The following AATF variants were observed in gnomAD, a reference collection of about 807,000 sequenced individuals.
AATF encodes the protein apoptosis antagonizing transcription factor.
Under a neutral mutation model 63.7 loss-of-function variants are expected in AATF, and 48 were observed. That is an observed-to-expected ratio of 0.75 (90% confidence interval 0.60 to 0.96). AATF has a LOEUF of 0.96. Ranked by LOEUF, AATF falls within the 40% of genes least tolerant of loss-of-function variation. The pLI, the probability that AATF is intolerant of heterozygous loss-of-function variation, is 0.00. For missense variants in AATF, 639 were observed against 685.7 expected, an observed-to-expected ratio of 0.93 and a Z score of 0.76; for synonymous variants, 258 against 247.7, an observed-to-expected ratio of 1.04 and a Z score of -0.39.
rs915413627 is a variant in AATF at position 36,953,440 on chromosome 17, G to A, written c.694+144G>A. 15 of 1,405,066 alleles carry A rather than the reference G, an allele frequency of 1.1e-5. No homozygotes were observed. In the African/African-American group the frequency reaches 1.5e-4, roughly 14 times the overall value. The allele number at this position is 1,405,066 out of a possible 1,614,324, so 87.0% of individuals were successfully genotyped here. A position where few individuals can be genotyped will look rare whatever the true frequency, so the allele number is the denominator to read the frequency against. ...TGCCCCACTTACCCAGAAGCCTAAA[G>A]CCCTATTCCTGTATGCTTAGCCAGC... On this transcript the variant is annotated intron_variant, in intron 3 of 11. Transcript: ENST00000619387.
chr17:36,978,368 T>C (rs1342326358), intron 4 of AATF, among the ~76,000 whole-genome samples: 1 of 152,154 alleles, frequency 6.6e-6, no homozygotes, highest in African/African-American at 2.4e-5. Flanking sequence ...AGAATTAGCC[T>C]ATCAAGTTGT....
At chr17:36,981,535 C>T (rs2071123661) in intron 4 of AATF, among the ~76,000 whole-genome samples, 1 of 151,880 alleles carries the variant, frequency 6.6e-6, no homozygotes, top group Non-Finnish European at 1.5e-5. Context: ...CCTCGAACTC[C>T]TGGGCTCAAG....
chr17:36,988,763 G>A (rs2071189922), intron 6 of AATF, 43 bp downstream of exon 6: 1 of 1,579,434 alleles, frequency 6.3e-7, no homozygotes, highest in African/African-American at 1.4e-5. Context: ...GATAGGTTGT[G>A]GCAACTTGAA....
intron 8 of AATF, among the ~76,000 whole-genome samples, chr17:36,997,708 G>A (rs544822922): frequency 6.6e-6 from 1 of 152,272 alleles, no homozygotes; most frequent in South Asian, 2.1e-4. Flanking sequence ...ATTTGATCCA[G>A]CAATCTCACT....
Position 36,986,663 on chromosome 17 carries a change from G to A in AATF, c.879G>A (p.Gln293=). ...KALLRSLVGL[Q]EELLFQYPDT... is the part of the protein sequence containing the mutation. The stretch of plus-strand genomic sequence containing the variant: ...TGTTGAGGTCATTGGTAGGTCTTCA[G>A]GAAGAGTTGCTTTTCCAGTACCCAG... Residue 293 remains glutamine (Q), a synonymous_variant, in exon 5 of 12, where the codon CAG becomes CAA. Transcript: ENST00000619387. 3 of 1,614,144 alleles carry A rather than the reference G, an allele frequency of 1.9e-6. No individual in the cohort carries two copies. Among genetic ancestry groups the A allele is most frequent in the Non-Finnish European group, 8.5e-7 (1 of 1,180,012 alleles).
intron 4 of AATF, among the ~76,000 whole-genome samples, chr17:36,984,396 G>A (rs1366223595): frequency 1.3e-5 from 2 of 152,188 alleles, no homozygotes; most frequent in Non-Finnish European, 2.9e-5. Context: ...TTCAGACAGG[G>A]AGAGGTATTA....
intron 10 of AATF, among the ~76,000 whole-genome samples, chr17:37,026,007 A>G (rs2071508213): frequency 6.6e-6 from 1 of 152,204 alleles, no homozygotes; most frequent in South Asian, 2.1e-4. Flanking sequence ...AGCACCAGTA[A>G]AAAGACATAT....
At chr17:37,038,179 A>T (rs1444436198) in intron 11 of AATF, among the ~76,000 whole-genome samples, 1 of 152,240 alleles carries the variant, frequency 6.6e-6, no homozygotes, top group Non-Finnish European at 1.5e-5. Flanking sequence ...AATGCAGATG[A>T]TCTCTCACTA....
intron 4 of AATF, among the ~76,000 whole-genome samples, chr17:36,966,387 C>G (rs1457115764): frequency 6.6e-6 from 1 of 151,988 alleles, no homozygotes; most frequent in African/African-American, 2.4e-5. Context: ...GCCTCAGCCT[C>G]CCAAGTAGCT....
chr17:36,975,039 G>T (rs2071069541), intron 4 of AATF, among the ~76,000 whole-genome samples: 1 of 152,124 alleles, frequency 6.6e-6, no homozygotes, highest in Admixed American at 6.5e-5. Context: ...TACTGAGTCT[G>T]TTTCTTCCTG....
At chr17:37,053,433 A>G (rs2071770710) in intron 11 of AATF, among the ~76,000 whole-genome samples, 1 of 152,164 alleles carries the variant, frequency 6.6e-6, no homozygotes, top group African/African-American at 2.4e-5. Flanking sequence ...AAGTGCTTTT[A>G]TTTACAGACT....
intron 4 of AATF, among the ~76,000 whole-genome samples, chr17:36,956,492 G>A (rs986823277): frequency 6.6e-6 from 1 of 152,058 alleles, no homozygotes; most frequent in Admixed American, 6.6e-5. Context: ...GGCCAATGTG[G>A]TGAAACCCCG....
intron 11 of AATF, among the ~76,000 whole-genome samples, chr17:37,032,935 T>A (rs1023535246): frequency 1.3e-5 from 2 of 152,190 alleles, no homozygotes; most frequent in Admixed American, 6.5e-5. Context: ...CCAAGTGAAA[T>A]TATTGGTCAT....
chr17:37,018,759 A>G (rs895338919), intron 8 of AATF, among the ~76,000 whole-genome samples: 2 of 152,250 alleles, frequency 1.3e-5, no homozygotes, highest in African/African-American at 4.8e-5. Flanking sequence ...ATTTGAAATG[A>G]ACTGCGGTAC....
Position 36,990,792 on chromosome 17 carries a change from C to A in AATF, c.1333C>A (p.Pro445Thr). 6.3e-7 allele frequency: 1 copy of A among 1,592,084 alleles called. No homozygotes were observed. Among genetic ancestry groups the A allele is most frequent in the Admixed American group, 1.8e-5 (1 of 54,930 alleles). The change falls in exon 8 of 12, where the codon CCT (proline) becomes ACT (threonine). Residue 445 changes from proline to threonine, a missense_variant. Physicochemically the swap from Pro to Thr is conservative, Grantham distance 38 (BLOSUM62 -1). Coordinates refer to ENST00000619387, the MANE Select transcript of AATF (RefSeq NM_012138.4). ...AACATAGGAGATCCTTCCTCAAGCCCCTGCTAATGCTCATCTGAAGGACTT... is the reference window on the plus strand; with the variant it reads ...AACATAGGAGATCCTTCCTCAAGCCACTGCTAATGCTCATCTGAAGGACTT... ...PGEPEILPQA[P>T]ANAHLKDLDE...
chr17:37,004,622 G>A (rs542524516), intron 8 of AATF, among the ~76,000 whole-genome samples: 95 of 152,150 alleles, frequency 6.2e-4, no homozygotes, highest in Non-Finnish European at 1.0e-3. Flanking sequence ...GAGGTAAGGG[G>A]TGAGAGCATG....
At chr17:37,053,337 G>T (rs1297388704) in intron 11 of AATF, among the ~76,000 whole-genome samples, 1 of 151,522 alleles carries the variant, frequency 6.6e-6, no homozygotes, top group East Asian at 1.9e-4. Flanking sequence ...ATAATCCAGA[G>T]GAACATTTTT....
In AATF at chr17:36,967,760, A is replaced by G. The variant is rs59379468; in HGVS notation, c.832+13853A>G. On this transcript the variant is annotated intron_variant, in intron 4 of 11. Transcript: ENST00000619387. ...AAAATACCTTTATTCTATCATCACA[A>G]TTGATGGTTTGTATATAGAATTCTA... Among the ~76,000 whole-genome samples, 807 of 151,986 alleles carry G rather than the reference A, an allele frequency of 5.3e-3. 8 individuals are homozygous for G. The highest frequency in any genetic ancestry group is 0.018 in the African/African-American group (734 of 41,464).
chr17:36,963,203 G>A (rs1226110997), intron 4 of AATF, among the ~76,000 whole-genome samples: 2 of 152,208 alleles, frequency 1.3e-5, no homozygotes, highest in East Asian at 1.9e-4. Flanking sequence ...TTCAGTGAGC[G>A]TAGGGTATGC....
Sources: allele counts gnomAD v4.1 joint callset (sites outside exome capture counted in the v4.1 genomes callset), GRCh38; gene constraint gnomAD v4.1.1; transcripts MANE v1.5; gene names NCBI Gene and HGNC (gene_info 2026-07-23, HGNC 2026-07-21).